Variants in GALNT10 observed in about 807,000 individuals in gnomAD.
GALNT10 encodes the protein polypeptide N-acetylgalactosaminyltransferase 10.
A neutral mutation model predicts 75.0 loss-of-function variants in GALNT10; 41 were observed. The observed-to-expected ratio is 0.55, with a 90% CI of 0.43 to 0.71. GALNT10 has a LOEUF of 0.71. Among genes scored for constraint, GALNT10 ranks in the 30% least tolerant of loss-of-function variants. GALNT10 has a pLI of 0.00. For synonymous variants in GALNT10, 302 were observed against 313.0 expected (o/e 0.96, Z 0.37); for missense variants, 727 against 818.5 (o/e 0.89, Z 1.36).
At chr5:154,332,117 A>G (rs561317552) in intron 4 of GALNT10, among the ~76,000 whole-genome samples, 2 of 152,150 alleles carry the variant, frequency 1.3e-5, no homozygotes, top group Admixed American at 6.5e-5. Context: ...TTCTCCCAGC[A>G]TGAGCTGCCA....
At chr5:154,258,287 A>C (rs1175408324) in intron 1 of GALNT10, among the ~76,000 whole-genome samples, 1 of 152,076 alleles carries the variant, frequency 6.6e-6, no homozygotes, top group African/African-American at 2.4e-5. Flanking sequence ...TTTTTTTCTT[A>C]TTCAGTGTCT....
chr5:154,393,065 A>AAAAAAAC (rs1554101643), intron 7 of GALNT10: 1 of 124,544 alleles, frequency 8.0e-6, no homozygotes, highest in Non-Finnish European at 1.7e-5. Context: ...CACAAAAAAA[A>AAAAAAAC]AAAAAAAAAA....
At chr5:154,249,891 A>G (rs1204963835) in intron 1 of GALNT10, among the ~76,000 whole-genome samples, 1 of 152,136 alleles carries the variant, frequency 6.6e-6, no homozygotes, top group African/African-American at 2.4e-5. Context: ...CTTCAGGGGC[A>G]TATAAGGGAA....
At chr5:154,225,407 T>TA (rs1449758416) in intron 1 of GALNT10, among the ~76,000 whole-genome samples, 1 of 143,720 alleles carries the variant, frequency 7.0e-6, no homozygotes, top group African/African-American at 2.8e-5. Context: ...TTTTTTTTTT[T>TA]AAAGGCAGGG....
intron 4 of GALNT10, among the ~76,000 whole-genome samples, chr5:154,331,620 T>C (rs111998437): frequency 4.5e-4 from 68 of 152,288 alleles, no homozygotes; most frequent in African/African-American, 1.6e-3. Flanking sequence ...CATCTGAGCT[T>C]GTTATCATTT....
chr5:154,321,946 G>A (rs1754682424), intron 3 of GALNT10, among the ~76,000 whole-genome samples: 1 of 152,148 alleles, frequency 6.6e-6, no homozygotes, highest in Non-Finnish European at 1.5e-5. Flanking sequence ...CTTTTTAAAT[G>A]TTTGCAAATA....
intron 4 of GALNT10, among the ~76,000 whole-genome samples, chr5:154,332,081 C>T (rs943901945): frequency 2.0e-5 from 3 of 152,168 alleles, no homozygotes; most frequent in African/African-American, 4.8e-5. Context: ...CTTTCTGTTT[C>T]CCAGTCTCCT....
intron 3 of GALNT10, among the ~76,000 whole-genome samples, chr5:154,306,818 G>C (rs1474756432): frequency 9.2e-5 from 14 of 151,976 alleles, no homozygotes. Flanking sequence ...CTCAATAACT[G>C]GTAATACAGA....
chr5:154,324,251 A>C (rs1754721096), intron 3 of GALNT10, among the ~76,000 whole-genome samples: 1 of 152,172 alleles, frequency 6.6e-6, no homozygotes. Flanking sequence ...TGCTGGCAGG[A>C]GGGGCAGTGG....
At chr5:154,197,977 G>T (rs188081601) in intron 1 of GALNT10, among the ~76,000 whole-genome samples, 3 of 152,256 alleles carry the variant, frequency 2.0e-5, no homozygotes, top group South Asian at 2.1e-4. Context: ...TTCCACCCCT[G>T]CCCGTTAAGC....
intron 3 of GALNT10, among the ~76,000 whole-genome samples, chr5:154,316,952 C>G (rs973280142): frequency 6.6e-6 from 1 of 152,188 alleles, no homozygotes; most frequent in South Asian, 2.1e-4. Flanking sequence ...GAGTTGTCCT[C>G]CACATTTACC....
intron 4 of GALNT10, among the ~76,000 whole-genome samples, chr5:154,346,676 A>G (rs889806515): frequency 3.9e-5 from 6 of 152,214 alleles, no homozygotes; most frequent in African/African-American, 1.4e-4. Context: ...ACTCTCCTAT[A>G]GGTAGTACTG....
chr5:154,306,384 C>T (rs1754433158), intron 3 of GALNT10, among the ~76,000 whole-genome samples: 1 of 152,158 alleles, frequency 6.6e-6, no homozygotes, highest in African/African-American at 2.4e-5. Flanking sequence ...TCCTTTTAAA[C>T]TTTCCAAACG....
intron 4 of GALNT10, among the ~76,000 whole-genome samples, chr5:154,350,646 G>A (rs950822231): frequency 2.0e-5 from 3 of 152,172 alleles, no homozygotes; most frequent in Non-Finnish European, 4.4e-5. Flanking sequence ...TGTTGCATTT[G>A]CTGATTTCTG....
At chr5:154,219,298 G>A (rs1752932754) in intron 1 of GALNT10, among the ~76,000 whole-genome samples, 1 of 152,190 alleles carries the variant, frequency 6.6e-6, no homozygotes, top group African/African-American at 2.4e-5. Flanking sequence ...TGACCACCCT[G>A]CCCTCCTCAG....
At chr5:154,321,576 A>G (rs185294042) in intron 3 of GALNT10, among the ~76,000 whole-genome samples, 35 of 152,208 alleles carry the variant, frequency 2.3e-4, no homozygotes, top group African/African-American at 8.2e-4. Context: ...CTCCTGCTTC[A>G]GCCTCCCAAA....
chr5:154,349,897 G>T (rs997604428), intron 4 of GALNT10, among the ~76,000 whole-genome samples: 2 of 152,100 alleles, frequency 1.3e-5, no homozygotes, highest in African/African-American at 4.8e-5. Context: ...GAGCTGTGTT[G>T]TCTGTTACAG....
intron 1 of GALNT10, among the ~76,000 whole-genome samples, chr5:154,211,667 G>C (rs1260889369): frequency 1.3e-5 from 2 of 152,300 alleles, no homozygotes; most frequent in Non-Finnish European, 1.5e-5. Context: ...TGTCTCTCAT[G>C]AGGTCGCTAT....
intron 4 of GALNT10, among the ~76,000 whole-genome samples, chr5:154,335,651 T>C (rs1388508437): frequency 2.6e-5 from 4 of 152,168 alleles, no homozygotes; most frequent in Non-Finnish European, 5.9e-5. Flanking sequence ...TAATAGACCT[T>C]ATTTTTTAGA....
Sources: gnomAD v4.1 joint callset for allele counts (sites outside exome capture counted in the v4.1 genomes callset) on GRCh38, gnomAD v4.1.1 for gene constraint, MANE v1.5 for transcripts, NCBI Gene and HGNC (gene_info 2026-07-23, HGNC 2026-07-21) for gene names.